The following LHFPL3 variants were observed in gnomAD, a reference collection of about 807,000 sequenced individuals.
LHFPL3 encodes LHFPL tetraspan subfamily member 3 protein.
A neutral mutation model predicts 19.3 loss-of-function variants in LHFPL3; 5 were observed. The ratio of observed to expected loss-of-function variants is 0.26; its 90% CI spans 0.14 to 0.54. The LOEUF is 0.54. LHFPL3 is among the 20% of genes least tolerant of loss of function. The pLI is 0.94. For synonymous variants in LHFPL3, 133 were observed against 126.2 expected, an observed-to-expected ratio of 1.05 and a Z score of -0.36; for missense variants, 249 against 307.4, an observed-to-expected ratio of 0.81 and a Z score of 1.42.
chr7:104,608,317 T>C (rs1791144485), intron 1 of LHFPL3, among the ~76,000 whole-genome samples: 2 of 151,630 alleles, frequency 1.3e-5, no homozygotes, highest in Admixed American at 6.6e-5. Flanking sequence ...TATGCAGCCA[T>C]AAAAAATGAA....
intron 1 of LHFPL3, among the ~76,000 whole-genome samples, chr7:104,356,051 A>G (rs6970753): frequency 0.23 from 34,308 of 152,226 alleles, 4,379 homozygotes; most frequent in East Asian, 0.35. Flanking sequence ...GACAATGTGG[A>G]AGATTGTAGG....
intron 1 of LHFPL3, among the ~76,000 whole-genome samples, chr7:104,615,713 C>G (rs1046730426): frequency 2.1e-5 from 3 of 144,970 alleles, no homozygotes; most frequent in Non-Finnish European, 4.5e-5. Flanking sequence ...GTGTAATGTT[C>G]CCCTCCCGGT....
At chr7:104,562,294 A>G (rs1280791283) in intron 1 of LHFPL3, among the ~76,000 whole-genome samples, 2 of 151,960 alleles carry the variant, frequency 1.3e-5, no homozygotes, top group Non-Finnish European at 2.9e-5. Context: ...ACTTGGTTCC[A>G]TTCTCCCCAT....
chr7:104,644,057 A>G (rs1791884870), intron 1 of LHFPL3, among the ~76,000 whole-genome samples: 1 of 152,240 alleles, frequency 6.6e-6, no homozygotes, highest in South Asian at 2.1e-4. Flanking sequence ...TGATAAAAAA[A>G]ACTTTTCTCA....
At chr7:104,648,946 C>T (rs1791978242) in intron 1 of LHFPL3, among the ~76,000 whole-genome samples, 1 of 152,214 alleles carries the variant, frequency 6.6e-6, no homozygotes, top group Non-Finnish European at 1.5e-5. Context: ...CCAACACAAA[C>T]CATAGGAAGC....
intron 2 of LHFPL3, among the ~76,000 whole-genome samples, chr7:104,877,837 CA>C (rs1791977847): frequency 9.3e-6 from 1 of 107,584 alleles, no homozygotes; most frequent in East Asian, 2.4e-4. Context: ...TTTATAGCAG[CA>C]TTTTTTTTTT....
chr7:104,685,023 G>A (rs1045971617), intron 1 of LHFPL3, among the ~76,000 whole-genome samples: 2 of 152,196 alleles, frequency 1.3e-5, no homozygotes, highest in Admixed American at 6.5e-5. Context: ...GTTACTTTGA[G>A]AAGAGAAATA....
intron 2 of LHFPL3, among the ~76,000 whole-genome samples, chr7:104,878,157 G>T (rs912766558): frequency 1.3e-5 from 2 of 152,048 alleles, no homozygotes; most frequent in Non-Finnish European, 2.9e-5. Context: ...TTTCATAAAA[G>T]CCCAAAGATG....
intron 1 of LHFPL3, among the ~76,000 whole-genome samples, chr7:104,432,092 G>C (rs1381678284): frequency 1.3e-5 from 2 of 152,326 alleles, no homozygotes; most frequent in Admixed American, 6.5e-5. Context: ...CTAGCGTGAA[G>C]TTTAAATGCT....
At chr7:104,772,997 GT>G (rs755412150) in intron 2 of LHFPL3, among the ~76,000 whole-genome samples, 67 of 152,362 alleles carry the variant, frequency 4.4e-4, no homozygotes, top group Non-Finnish European at 9.0e-4. Flanking sequence ...GCTGAGGCAG[GT>G]TTTTCTTTTA....
intron 1 of LHFPL3, among the ~76,000 whole-genome samples, chr7:104,391,109 A>G (rs926210442): frequency 6.6e-6 from 1 of 152,136 alleles, no homozygotes; most frequent in African/African-American, 2.4e-5. Flanking sequence ...GGTAGATTGC[A>G]AACATTTTCT....
intron 2 of LHFPL3, among the ~76,000 whole-genome samples, chr7:104,750,387 T>A (rs1022303128): frequency 2.6e-5 from 4 of 152,240 alleles, no homozygotes; most frequent in African/African-American, 9.6e-5. Context: ...ACCCTCCTAT[T>A]CTTTTTATTT....
intron 2 of LHFPL3, among the ~76,000 whole-genome samples, chr7:104,764,830 TG>T (rs1237087445): frequency 1.3e-5 from 2 of 152,254 alleles, no homozygotes; most frequent in Non-Finnish European, 2.9e-5. Context: ...CTATCTCATT[TG>T]ACCCTTGCAG....
chr7:104,710,908 A>G (rs1793289141), intron 1 of LHFPL3, among the ~76,000 whole-genome samples: 2 of 152,040 alleles, frequency 1.3e-5, no homozygotes. Context: ...GGGAGTCTGG[A>G]CTCTCCAATA....
Position 104,554,684 on chromosome 7 carries a change from T to C in LHFPL3, c.446-181991T>C, listed in dbSNP as rs992934703. ...ATAGATAGATAGATAGATAGATAGATAGATAGACAGACAGATGATGAGAGG... is the reference window on the plus strand; with the variant it reads ...ATAGATAGATAGATAGATAGATAGACAGATAGACAGACAGATGATGAGAGG... On this transcript the variant is annotated intron_variant, in intron 1 of 2. Coordinates refer to ENST00000424859, the MANE Select transcript of LHFPL3 (RefSeq NM_199000.3). Among the ~76,000 whole-genome samples the C allele has an allele frequency of 6.6e-4, 87 of 130,950 alleles. No individual in the cohort carries two copies. The Middle Eastern group carries it at 0.012, about 18-fold the overall frequency. 85.9% of individuals were successfully genotyped at this position (130,950 alleles called of 152,430 possible).
chr7:104,434,664 G>C (rs556348608), intron 1 of LHFPL3, among the ~76,000 whole-genome samples: 1 of 152,186 alleles, frequency 6.6e-6, no homozygotes, highest in African/African-American at 2.4e-5. Context: ...TGTAATGTAA[G>C]CTTCTGAGGA....
At chr7:104,640,575 T>TAA (rs1300501403) in intron 1 of LHFPL3, among the ~76,000 whole-genome samples, 1 of 152,238 alleles carries the variant, frequency 6.6e-6, no homozygotes, top group East Asian at 1.9e-4. Context: ...AGTGCTGCAG[T>TAA]AAACACATGT....
intron 1 of LHFPL3, among the ~76,000 whole-genome samples, chr7:104,541,170 G>T (rs555252840): frequency 3.4e-5 from 5 of 148,494 alleles, no homozygotes; most frequent in African/African-American, 1.2e-4. Flanking sequence ...AACTCCTTCA[G>T]TTCCAAAGGG....
At chr7:104,428,219 G>A (rs778330493) in intron 1 of LHFPL3, among the ~76,000 whole-genome samples, 39 of 152,080 alleles carry the variant, frequency 2.6e-4, no homozygotes, top group Non-Finnish European at 4.9e-4. Context: ...ATAACATCTG[G>A]TAATGTGGTC....
Sources: gnomAD v4.1 joint callset for allele counts (sites outside exome capture counted in the v4.1 genomes callset) on GRCh38, gnomAD v4.1.1 for gene constraint, MANE v1.5 for transcripts, NCBI Gene and HGNC (gene_info 2026-07-23, HGNC 2026-07-21) for gene names.